Variants in PPP1R2 observed in about 807,000 individuals in gnomAD.
PPP1R2 encodes protein phosphatase 1 regulatory inhibitor subunit 2, also known as protein phosphatase inhibitor 2.
PPP1R2 carries 16 observed loss-of-function variants against 29.9 expected under a neutral mutation model. That is an observed-to-expected ratio of 0.53 (90% CI 0.36 to 0.81). PPP1R2 has a LOEUF of 0.81. PPP1R2 is among the 30% of genes least tolerant of loss of function. The probability of loss-of-function intolerance (pLI) is 0.00; values close to 1 mark genes in which losing one functional copy is unlikely to be tolerated. For synonymous variants in PPP1R2, 76 were observed against 91.5 expected (o/e 0.83, Z 0.96); for missense variants, 197 against 252.7 (o/e 0.78, Z 1.49).
At chr3:195,535,836 A>C (rs1187124363) in intron 1 of PPP1R2, among the ~76,000 whole-genome samples, 1 of 152,206 alleles carries the variant, frequency 6.6e-6, no homozygotes, top group Non-Finnish European at 1.5e-5. Flanking sequence ...GCATCTTAAG[A>C]GAAACGAAAA....
At chr3:195,531,317 C>A (rs1318135947) in intron 1 of PPP1R2, among the ~76,000 whole-genome samples, 2 of 152,110 alleles carry the variant, frequency 1.3e-5, no homozygotes, top group Non-Finnish European at 2.9e-5. Context: ...GAAAAACCTG[C>A]CTTAAAAAGA....
chr3:195,533,483 G>A (rs1719262878), intron 1 of PPP1R2, among the ~76,000 whole-genome samples: 1 of 151,916 alleles, frequency 6.6e-6, no homozygotes, highest in Non-Finnish European at 1.5e-5. Context: ...GTGCAATATT[G>A]TAAACCTTGA....
At chr3:195,530,428 G>A (rs1197001397) in intron 1 of PPP1R2, among the ~76,000 whole-genome samples, 3 of 152,132 alleles carry the variant, frequency 2.0e-5, no homozygotes, top group African/African-American at 7.2e-5. Flanking sequence ...ATAAATTACA[G>A]CTCTGTTTAT....
chr3:195,531,107 G>C (rs1577576681), intron 1 of PPP1R2, among the ~76,000 whole-genome samples: 2 of 152,212 alleles, frequency 1.3e-5, no homozygotes, highest in African/African-American at 4.8e-5. Flanking sequence ...CCAGGAGTGA[G>C]CCACCGTGCC....
At chr3:195,527,244 G>A (rs968436628) in intron 2 of PPP1R2, among the ~76,000 whole-genome samples, 1 of 151,468 alleles carries the variant, frequency 6.6e-6, no homozygotes, top group Non-Finnish European at 1.5e-5. Flanking sequence ...GAGGTCAGGA[G>A]TTTGAGATCA....
intron 5 of PPP1R2, among the ~76,000 whole-genome samples, chr3:195,517,246 ATATT>A (rs1272201473): frequency 2.0e-5 from 3 of 152,142 alleles, no homozygotes; most frequent in Non-Finnish European, 2.9e-5. Flanking sequence ...AAAAAGATAC[ATATT>A]TATTACCTGA....
intron 1 of PPP1R2, among the ~76,000 whole-genome samples, chr3:195,541,577 G>T (rs823516): frequency 3.9e-4 from 59 of 150,526 alleles, no homozygotes; most frequent in Middle Eastern, 3.4e-3. Context: ...GATTACAGGC[G>T]TGAGCCACCA....
chr3:195,542,914 C>G lies in PPP1R2; in HGVS notation c.112G>C (p.Glu38Gln), dbSNP rs773807727. ...SAEQPRGNVD[E>Q]ELSKKSQKWD... ...CCTCCCAGCGCTCACCTCAGCTCCT[C>G]GTCGACATTCCCGCGGGGCTGTTCG... is the stretch of plus-strand genomic sequence containing the variant. The change falls in exon 1 of 6, where the codon GAG becomes CAG. Residue 38 changes from glutamate (E) to glutamine (Q), a missense_variant. Coordinates refer to ENST00000618156, the MANE Select transcript of PPP1R2 (RefSeq NM_006241.8). The G allele has an allele frequency of 1.9e-6, 3 of 1,602,518 alleles. No homozygotes were observed. The highest frequency in any genetic ancestry group is 1.1e-5 in the South Asian group (1 of 88,898).
intron 2 of PPP1R2, 60 bp downstream of exon 2, chr3:195,529,734 T>A: frequency 8.2e-7 from 1 of 1,226,868 alleles, no homozygotes; most frequent in South Asian, 1.4e-5. Flanking sequence ...TATCCAGACG[T>A]TCATATGAAA....
In PPP1R2 at chr3:195,534,708, AAG is replaced by A. The variant is rs1294861215; in HGVS notation, c.123-4809_123-4808del. ...AATACAGAACTGCTTTTAAAAAAAA[AAG>A]AGAGATAGGGCATTACTCCATCGCC... On this transcript the variant is annotated intron_variant, in intron 1 of 5. Coordinates refer to ENST00000618156, the MANE Select transcript of PPP1R2 (RefSeq NM_006241.8). Among the ~76,000 whole-genome samples, 9 of 152,210 alleles carry A rather than the reference AAG, an allele frequency of 5.9e-5. 1 individual carries two copies. The highest frequency in any genetic ancestry group is 3.4e-3 in the Middle Eastern group (1 of 294).
chr3:195,517,017 C>G, intron 5 of PPP1R2, 75 bp from the exon 6 acceptor site: 1 of 1,132,582 alleles, frequency 8.8e-7, no homozygotes, highest in Admixed American at 1.9e-5. Context: ...CTTCTATTAG[C>G]ATGCATGACA....
intron 2 of PPP1R2, among the ~76,000 whole-genome samples, chr3:195,526,844 C>T (rs950182634): frequency 3.9e-5 from 6 of 152,004 alleles, no homozygotes; most frequent in African/African-American, 7.2e-5. Context: ...TGCAATGGCG[C>T]GATCTCAGCT....
At chr3:195,525,444 G>A (rs1171907313) in intron 2 of PPP1R2, among the ~76,000 whole-genome samples, 1 of 151,978 alleles carries the variant, frequency 6.6e-6, no homozygotes, top group Admixed American at 6.6e-5. Flanking sequence ...GGATAATGAG[G>A]AATAACTGTA....
chr3:195,542,897 C>T lies in PPP1R2; in HGVS notation c.122+7G>A, dbSNP rs769737974. 6.3e-7 allele frequency: 1 copy of T among 1,597,774 alleles called. No homozygotes were observed. Among genetic ancestry groups the T allele is most frequent in the South Asian group, 1.1e-5 (1 of 88,348 alleles). On this transcript the variant is annotated splice_region_variant and intron_variant, in intron 1 of 5. Transcript: ENST00000618156. ...GGGGCTCCCAGGCCGTCCCTCCCAG[C>T]GCTCACCTCAGCTCCTCGTCGACAT... is the stretch of plus-strand genomic sequence containing the variant.
chr3:195,539,373 C>T (rs1016164727), intron 1 of PPP1R2, among the ~76,000 whole-genome samples: 1 of 152,030 alleles, frequency 6.6e-6, no homozygotes, highest in African/African-American at 2.4e-5. Flanking sequence ...TTAATTTAAC[C>T]CTCAAAAATT....
chr3:195,531,537 G>C (rs976320405), intron 1 of PPP1R2, among the ~76,000 whole-genome samples: 1 of 152,170 alleles, frequency 6.6e-6, no homozygotes, highest in Non-Finnish European at 1.5e-5. Flanking sequence ...ACTCTTGCAG[G>C]TGACTTCGTA....
intron 2 of PPP1R2, among the ~76,000 whole-genome samples, chr3:195,526,431 T>A (rs1452014411): frequency 6.6e-6 from 1 of 151,844 alleles, no homozygotes; most frequent in Non-Finnish European, 1.5e-5. Flanking sequence ...AAGAAAGTCA[T>A]GGAAAGAAAT....
chr3:195,522,833 A>G (rs187510475), intron 4 of PPP1R2, among the ~76,000 whole-genome samples: 2 of 152,320 alleles, frequency 1.3e-5, no homozygotes, highest in East Asian at 3.9e-4. Flanking sequence ...TCTTCACGGT[A>G]CAGGAGGTAG....
At chr3:195,526,457 T>A (rs943361072) in intron 2 of PPP1R2, among the ~76,000 whole-genome samples, 8 of 152,022 alleles carry the variant, frequency 5.3e-5, no homozygotes, top group African/African-American at 1.7e-4. Context: ...AACTGAGCAG[T>A]GAACTGATAA....
Sources: gnomAD v4.1 joint callset for allele counts (sites outside exome capture counted in the v4.1 genomes callset) on GRCh38, gnomAD v4.1.1 for gene constraint, MANE v1.5 for transcripts, NCBI Gene and HGNC (gene_info 2026-07-23, HGNC 2026-07-21) for gene names.